Variants in EYA2 observed in about 807,000 individuals in gnomAD.
The protein encoded by EYA2 is protein phosphatase EYA2.
Under a neutral mutation model 69.2 loss-of-function variants are expected in EYA2, and 31 were observed. The ratio of observed to expected loss-of-function variants is 0.45; its 90% CI spans 0.34 to 0.60. The LOEUF (loss-of-function observed/expected upper bound fraction) is 0.60. EYA2 is among the 20% of genes least tolerant of loss of function. The pLI is 0.02. For synonymous variants in EYA2, 257 were observed against 279.4 expected (o/e 0.92, Z 0.80); for missense variants, 622 against 701.2 (o/e 0.89, Z 1.28).
At position 47,005,068 on chromosome 20, in the gene EYA2, T is replaced by C. The variant is rs547910355; in HGVS notation, c.282T>C (p.Tyr94=). The change falls in exon 4 of 16, where the codon TAT becomes TAC. Residue 94 remains tyrosine (Y), a synonymous_variant. Coordinates refer to ENST00000327619, the MANE Select transcript of EYA2 (RefSeq NM_005244.5). ...CTTACCCACCTCCAGCACAAGCCTA[T>C]GGAATCCCTTCCTACAGTGAGTAGT... ...YTAYPPPAQA[Y]GIPSYSIKTE... 5 of 1,613,768 alleles carry C rather than the reference T, an allele frequency of 3.1e-6. No homozygotes were observed. The East Asian group carries it at 6.7e-5, about 22-fold the overall frequency.
intron 9 of EYA2, among the ~76,000 whole-genome samples, chr20:47,125,528 T>A (rs2033166840): frequency 6.6e-6 from 1 of 152,226 alleles, no homozygotes. Context: ...AAAATTTTTT[T>A]AAACAAGCTG....
chr20:46,981,283 A>G (rs1055300890), intron 1 of EYA2, among the ~76,000 whole-genome samples: 3 of 152,162 alleles, frequency 2.0e-5, no homozygotes, highest in African/African-American at 7.2e-5. Context: ...GAATTTTTGG[A>G]AGGGTTTTAC....
chr20:46,989,139 G>T (rs1441480859), intron 1 of EYA2, among the ~76,000 whole-genome samples: 1 of 152,050 alleles, frequency 6.6e-6, no homozygotes, highest in Non-Finnish European at 1.5e-5. Context: ...TAAAAATCAT[G>T]GGTGATTCAG....
chr20:47,148,543 A>G (rs2033755479), intron 10 of EYA2, among the ~76,000 whole-genome samples: 1 of 151,430 alleles, frequency 6.6e-6, no homozygotes, highest in Non-Finnish European at 1.5e-5. Context: ...TAGGCAACAG[A>G]AATATGACAA....
chr20:47,156,698 G>A (rs529182255), intron 10 of EYA2, among the ~76,000 whole-genome samples: 123 of 152,030 alleles, frequency 8.1e-4, no homozygotes, highest in Non-Finnish European at 1.4e-3. Flanking sequence ...CCTCTTTAGC[G>A]CTCTTAAGAT....
intron 9 of EYA2, among the ~76,000 whole-genome samples, chr20:47,113,837 A>G (rs2032818051): frequency 7.0e-6 from 1 of 143,572 alleles, no homozygotes; most frequent in Non-Finnish European, 1.5e-5. Flanking sequence ...AGCTGAGCCC[A>G]CATCAAATTC....
intron 1 of EYA2, among the ~76,000 whole-genome samples, chr20:46,952,694 C>G (rs1978877380): frequency 6.6e-6 from 1 of 152,220 alleles, no homozygotes; most frequent in Non-Finnish European, 1.5e-5. Context: ...CTGGAGGCAT[C>G]ACCTGGAGCT....
intron 1 of EYA2, among the ~76,000 whole-genome samples, chr20:46,940,500 G>GT (rs1491269457): frequency 6.6e-6 from 1 of 152,172 alleles, no homozygotes; most frequent in Non-Finnish European, 1.5e-5. Flanking sequence ...CTTATAAAAC[G>GT]TAAGTGATAA....
chr20:47,173,499 T>A (rs1478304868), intron 12 of EYA2, among the ~76,000 whole-genome samples: 1 of 90,388 alleles, frequency 1.1e-5, no homozygotes, highest in Non-Finnish European at 1.9e-5. Context: ...GGCAACAAAG[T>A]GAGACCCCGT....
intron 1 of EYA2, among the ~76,000 whole-genome samples, chr20:46,904,001 A>G (rs1436687940): frequency 6.6e-6 from 1 of 152,198 alleles, no homozygotes; most frequent in Non-Finnish European, 1.5e-5. Flanking sequence ...TGCGGTGTCT[A>G]TAAGCTATTG....
chr20:46,978,633 T>A (rs941114940), intron 1 of EYA2: 10 of 534,674 alleles, frequency 1.9e-5, no homozygotes, highest in South Asian at 1.3e-4. Context: ...TAAGCAAGGA[T>A]GAGGTGAGGC....
At chr20:47,125,030 T>C (rs1388354984) in intron 9 of EYA2, among the ~76,000 whole-genome samples, 2 of 149,866 alleles carry the variant, frequency 1.3e-5, no homozygotes, top group Non-Finnish European at 3.0e-5. Flanking sequence ...GAATGTATCC[T>C]ACAGTCTTTT....
chr20:47,106,985 G>C (rs2032600896), intron 9 of EYA2, among the ~76,000 whole-genome samples: 1 of 152,130 alleles, frequency 6.6e-6, no homozygotes, highest in Admixed American at 6.6e-5. Flanking sequence ...GGAATTTGCA[G>C]TTGTCACGGT....
chr20:46,904,263 A>C (rs1433953907), intron 1 of EYA2, among the ~76,000 whole-genome samples: 1 of 152,114 alleles, frequency 6.6e-6, no homozygotes, highest in African/African-American at 2.4e-5. Flanking sequence ...CATAGTAAGC[A>C]CTCAATAAAT....
At chr20:46,899,581 C>A (rs1316406315) in intron 1 of EYA2, among the ~76,000 whole-genome samples, 2 of 152,168 alleles carry the variant, frequency 1.3e-5, no homozygotes, top group African/African-American at 2.4e-5. Flanking sequence ...TCAAGTTTAC[C>A]GGAAGGTGCT....
At chr20:46,912,312 G>T (rs972022346) in intron 1 of EYA2, among the ~76,000 whole-genome samples, 2 of 152,210 alleles carry the variant, frequency 1.3e-5, no homozygotes, top group Non-Finnish European at 2.9e-5. Context: ...TTTTTCCCTA[G>T]GCTAGTACTG....
At chr20:47,033,957 C>CA (rs1282579568) in intron 5 of EYA2, among the ~76,000 whole-genome samples, 1 of 152,218 alleles carries the variant, frequency 6.6e-6, no homozygotes, top group African/African-American at 2.4e-5. Context: ...AAGTGGCACT[C>CA]AAAGTCATTG....
chr20:46,977,431 C>A (rs1372272222), intron 1 of EYA2, among the ~76,000 whole-genome samples: 1 of 152,168 alleles, frequency 6.6e-6, no homozygotes, highest in Non-Finnish European at 1.5e-5. Flanking sequence ...TAGCAAATCC[C>A]ACTCTGAAAT....
At chr20:47,071,771 C>T in intron 5 of EYA2, 1 of 177,270 alleles carries the variant, frequency 5.6e-6, no homozygotes, top group Non-Finnish European at 1.2e-5. Context: ...CCTGTCAGAC[C>T]TCAAAGACCC....
Sources: gnomAD v4.1 joint callset for allele counts (sites outside exome capture counted in the v4.1 genomes callset) on GRCh38, gnomAD v4.1.1 for gene constraint, MANE v1.5 for transcripts, NCBI Gene and HGNC (gene_info 2026-07-23, HGNC 2026-07-21) for gene names.